STAU2: variants seen among roughly 807,000 people sequenced by gnomAD.
STAU2 encodes double-stranded RNA-binding protein Staufen homolog 2.
A neutral mutation model predicts 65.9 loss-of-function variants in STAU2; 20 were observed. The ratio of observed to expected loss-of-function variants is 0.30; its 90% CI spans 0.21 to 0.44. The LOEUF (loss-of-function observed/expected upper bound fraction) is 0.44. Ranked by LOEUF, STAU2 falls within the 20% of genes least tolerant of loss-of-function variation. The probability of loss-of-function intolerance (pLI) is 1.00; values close to 1 mark genes in which losing one functional copy is unlikely to be tolerated. For missense variants in STAU2, 558 were observed against 683.9 expected (o/e 0.82, Z 2.05); for synonymous variants, 232 against 233.9 (o/e 0.99, Z 0.07).
chr8:73,620,873 T>A (rs1191145644), intron 6 of STAU2, among the ~76,000 whole-genome samples: 1 of 152,180 alleles, frequency 6.6e-6, no homozygotes, highest in East Asian at 1.9e-4. Context: ...CATACCATCA[T>A]GACAATCAAG....
intron 10 of STAU2, among the ~76,000 whole-genome samples, chr8:73,600,465 T>C (rs1811553820): frequency 6.6e-6 from 1 of 152,158 alleles, no homozygotes; most frequent in Non-Finnish European, 1.5e-5. Flanking sequence ...GCCAGATGAA[T>C]ACACACCACC....
chr8:73,691,634 T>C (rs573373189), intron 4 of STAU2, among the ~76,000 whole-genome samples: 23 of 152,234 alleles, frequency 1.5e-4, no homozygotes, highest in Non-Finnish European at 2.2e-4. Flanking sequence ...GATATATACA[T>C]GCACCAATGA....
At chr8:73,668,787 G>A (rs1214070181) in intron 6 of STAU2, among the ~76,000 whole-genome samples, 8 of 152,222 alleles carry the variant, frequency 5.3e-5, no homozygotes, top group South Asian at 4.2e-4. Flanking sequence ...TTTGCTCATG[G>A]ATAAATGTTT....
intron 13 of STAU2, chr8:73,511,142 A>C (rs989218955): frequency 6.6e-6 from 1 of 152,658 alleles, no homozygotes; most frequent in Non-Finnish European, 1.5e-5. Context: ...GAAACAACCT[A>C]CTGGACATCT....
intron 3 of STAU2, among the ~76,000 whole-genome samples, chr8:73,735,269 G>A (rs960615844): frequency 3.9e-5 from 6 of 152,270 alleles, no homozygotes; most frequent in Non-Finnish European, 7.4e-5. Context: ...ACTGTTATGA[G>A]AAAGTGGTTG....
At chr8:73,561,442 T>C in intron 12 of STAU2, 1 of 431,654 alleles carries the variant, frequency 2.3e-6, no homozygotes, top group South Asian at 1.7e-5. Context: ...CTTCAATTTT[T>C]AGTTTATTTA....
At chr8:73,424,777 G>C (rs1008751657) in intron 13 of STAU2, among the ~76,000 whole-genome samples, 1 of 150,738 alleles carries the variant, frequency 6.6e-6, no homozygotes, top group South Asian at 2.1e-4. Context: ...AGCAAAAGTC[G>C]GCATGCGTCC....
chr8:73,694,334 T>C (rs540108198), intron 4 of STAU2, among the ~76,000 whole-genome samples: 2 of 152,110 alleles, frequency 1.3e-5, no homozygotes, highest in Admixed American at 1.3e-4. Context: ...GCCAACACAA[T>C]CTTATCAACA....
chr8:73,569,503 C>T (rs1808876397), intron 12 of STAU2, among the ~76,000 whole-genome samples: 1 of 152,150 alleles, frequency 6.6e-6, no homozygotes, highest in Non-Finnish European at 1.5e-5. Context: ...AACAGACAGA[C>T]TGCCACCTCA....
chr8:73,675,388 C>CACACAT (rs1817967816), intron 5 of STAU2: 1 of 151,890 alleles, frequency 6.6e-6, no homozygotes, highest in African/African-American at 2.4e-5. Context: ...CACACACACA[C>CACACAT]ACACACACAC....
intron 5 of STAU2, chr8:73,675,511 G>A (rs1011858757): frequency 6.6e-6 from 1 of 152,092 alleles, no homozygotes; most frequent in Non-Finnish European, 1.5e-5. Flanking sequence ...CTCACCGCAT[G>A]ACAAAAGTCG....
intron 13 of STAU2, among the ~76,000 whole-genome samples, chr8:73,542,140 T>C (rs998075793): frequency 3.3e-5 from 5 of 152,156 alleles, no homozygotes; most frequent in Non-Finnish European, 7.4e-5. Flanking sequence ...CTCCTACATG[T>C]ACCATAATCA....
At chr8:73,530,321 G>A (rs571936496) in intron 13 of STAU2, among the ~76,000 whole-genome samples, 1 of 152,214 alleles carries the variant, frequency 6.6e-6, no homozygotes, top group East Asian at 1.9e-4. Context: ...CAAACCAAAA[G>A]AAGCTCTAGA....
At chr8:73,649,641 C>G (rs1435883173) in intron 6 of STAU2, among the ~76,000 whole-genome samples, 1 of 151,868 alleles carries the variant, frequency 6.6e-6, no homozygotes. Flanking sequence ...AACTTTAATA[C>G]TGCTCACTAA....
intron 13 of STAU2, among the ~76,000 whole-genome samples, chr8:73,496,038 CTCTT>C (rs1821401582): frequency 6.6e-6 from 1 of 151,536 alleles, no homozygotes; most frequent in South Asian, 2.1e-4. Context: ...AGATGTCTGC[CTCTT>C]TCTTTGAAAT....
intron 6 of STAU2, chr8:73,653,337 T>C (rs541521625): frequency 9.9e-5 from 15 of 152,284 alleles, no homozygotes; most frequent in Non-Finnish European, 2.1e-4. Context: ...TATTTAAGGA[T>C]ATAAAAAATA....
At chr8:73,464,820 T>C (rs1819563040) in intron 13 of STAU2, among the ~76,000 whole-genome samples, 1 of 152,252 alleles carries the variant, frequency 6.6e-6, no homozygotes, top group Non-Finnish European at 1.5e-5. Flanking sequence ...GATGAAGTTA[T>C]ATCACCAACC....
At chr8:73,671,397 C>CA (rs551679527) in intron 6 of STAU2, among the ~76,000 whole-genome samples, 10,900 of 149,492 alleles carry the variant, frequency 0.073, 422 homozygotes, top group Middle Eastern at 0.15. Flanking sequence ...AACAAACAAA[C>CA]AAAAAAAAAC....
chr8:73,559,996 A>C (rs1808081869), intron 12 of STAU2, among the ~76,000 whole-genome samples: 1 of 152,088 alleles, frequency 6.6e-6, no homozygotes, highest in African/African-American at 2.4e-5. Context: ...AATTTGTTAG[A>C]GGTTTCTTCT....
Sources: gnomAD v4.1 joint callset for allele counts (sites outside exome capture counted in the v4.1 genomes callset) on GRCh38, gnomAD v4.1.1 for gene constraint, MANE v1.5 for transcripts, NCBI Gene and HGNC (gene_info 2026-07-23, HGNC 2026-07-21) for gene names.